Variants in ZNF33A observed in about 807,000 individuals in gnomAD.
ZNF33A encodes the protein brain my041 protein.
A neutral mutation model predicts 15.9 loss-of-function variants in ZNF33A; 9 were observed. The observed-to-expected ratio is 0.57, with a 90% CI of 0.34 to 0.99. The LOEUF (loss-of-function observed/expected upper bound fraction) is 0.99, where lower values mean the gene tolerates loss of function less well. Among genes scored for constraint, ZNF33A ranks in the 50% least tolerant of loss-of-function variants. The pLI, the probability that ZNF33A is intolerant of heterozygous loss-of-function variation, is 0.02. For missense variants in ZNF33A, 843 were observed against 941.6 expected, an observed-to-expected ratio of 0.90 and a Z score of 1.37; for synonymous variants, 294 against 324.2, an observed-to-expected ratio of 0.91 and a Z score of 1.00.
rs577098842 is a variant in ZNF33A, at chr10:38,029,943, C to T, written c.250+12557C>T. Among the ~76,000 whole-genome samples, 9 of 152,256 alleles carry T rather than the reference C, an allele frequency of 5.9e-5. No homozygotes were observed. The South Asian group carries it at 6.2e-4, about 11-fold the overall frequency. Reference sequence around the variant, plus strand: ...GAAAGAAAAATTTTTTGAAGAATTACAGAAACACCCACAATTTGTTGAAGA... The same window carrying T: ...GAAAGAAAAATTTTTTGAAGAATTATAGAAACACCCACAATTTGTTGAAGA... On this transcript the variant is annotated intron_variant, in intron 4 of 4. Coordinates refer to ENST00000432900, the MANE Select transcript of ZNF33A (RefSeq NM_006954.2).
intron 4 of ZNF33A, among the ~76,000 whole-genome samples, chr10:38,022,025 G>T (rs924693141): frequency 3.9e-5 from 6 of 152,160 alleles, no homozygotes. Context: ...ACTAAATGCT[G>T]ACAGTAGACA....
In ZNF33A at chr10:38,054,833, C is replaced by T; in HGVS notation, c.709C>T (p.Gln237Ter). The T allele has an allele frequency of 1.9e-6, 3 of 1,613,272 alleles. No homozygotes were observed. Among genetic ancestry groups the T allele is most frequent in the Non-Finnish European group, 2.5e-6 (3 of 1,179,852 alleles). ...TLLEKAVFNT[Q>*]KRENAEENNC... ...CCTTGAAAAGGCAGTATTCAATACA[C>T]AGAAGAGAGAGAACGCAGAAGAGAA... is the stretch of plus-strand genomic sequence containing the variant. The change falls in exon 5 of 5, where the codon CAG (glutamine) becomes TAG (stop). Residue 237 changes from glutamine (Q) to a stop codon, truncating the protein, a stop_gained. Transcript: ENST00000432900. LOFTEE classifies it low-confidence loss of function (END_TRUNC).
At chr10:38,047,624 C>CAAAAAAAAAAAAAAA (rs554054575) in intron 4 of ZNF33A, among the ~76,000 whole-genome samples, 20 of 75,006 alleles carry the variant, frequency 2.7e-4, no homozygotes, top group Admixed American at 8.9e-4. Flanking sequence ...GACTCTGTCT[C>CAAAAAAAAAAAAAAA]AAAAAAAAAA....
chr10:38,056,508 C>T lies in ZNF33A; in HGVS notation c.2384C>T (p.Ser795Leu). 1.2e-6 allele frequency: 2 copies of T among 1,608,520 alleles called. No individual in the cohort carries two copies. The highest frequency in any genetic ancestry group is 1.7e-6 in the Non-Finnish European group (2 of 1,177,408). The change falls in exon 5 of 5, where the codon TCA becomes TTA. Residue 795 changes from serine (S) to leucine (L), a missense_variant. Physicochemically the swap from Ser to Leu is moderately radical, Grantham distance 145 (BLOSUM62 -2). Transcript: ENST00000432900. Reference sequence around the variant, plus strand: ...CCACAAGTCAGCCTCCATAATGCCTCAGAGTATTCACACTGTGGAGAAAGC... The same window carrying T: ...CCACAAGTCAGCCTCCATAATGCCTTAGAGTATTCACACTGTGGAGAAAGC... ...FQPQVSLHNA[S>L]EYSHCGESPD...
In ZNF33A at chr10:38,056,330, C is replaced by A; in HGVS notation, c.2206C>A (p.Leu736Ile). Residue 736 changes from leucine to isoleucine, a missense_variant, in exon 5 of 5, where the codon CTT becomes ATT. Coordinates refer to ENST00000432900, the MANE Select transcript of ZNF33A (RefSeq NM_006954.2). ...AAAAATCTTTTACCGTAAATCGGAA[C>A]TTGCTCAACATCAGAGATCACATAC... ...CGKIFYRKSE[L>I]AQHQRSHTGE... The A allele has an allele frequency of 6.2e-7, 1 of 1,614,136 alleles. No homozygotes were observed. The highest frequency in any genetic ancestry group is 8.5e-7 in the Non-Finnish European group (1 of 1,179,992).
In ZNF33A at chr10:38,055,674, T is replaced by C. The variant is rs752577160; in HGVS notation, c.1550T>C (p.Ile517Thr). The C allele has an allele frequency of 2.5e-6, 4 of 1,613,636 alleles. No individual in the cohort carries two copies. Among genetic ancestry groups the C allele is most frequent in the Non-Finnish European group, 3.4e-6 (4 of 1,179,918 alleles). Reference sequence around the variant, plus strand: ...AAGTCATTACTCACCAGGCATCAGATAATTCATACAGGGTGGAAACCTTAT... The same window carrying C: ...AAGTCATTACTCACCAGGCATCAGACAATTCATACAGGGTGGAAACCTTAT... ...YHKSLLTRHQ[I>T]IHTGWKPYEC... Residue 517 changes from isoleucine to threonine, a missense_variant, in exon 5 of 5, where the codon ATA becomes ACA. Coordinates refer to ENST00000432900, the MANE Select transcript of ZNF33A (RefSeq NM_006954.2).
At chr10:38,010,848 AG>A (rs1344768217) in intron 1 of ZNF33A, 65 bp downstream of exon 1, 2 of 1,555,602 alleles carry the variant, frequency 1.3e-6, no homozygotes, top group African/African-American at 1.4e-5. Context: ...GGCGGGCGGC[AG>A]GGGGCCGGTA....
chr10:38,014,237 A>C (rs1178420100), intron 2 of ZNF33A, among the ~76,000 whole-genome samples: 1 of 151,574 alleles, frequency 6.6e-6, no homozygotes, highest in Non-Finnish European at 1.5e-5. Flanking sequence ...ACAGGGTTTT[A>C]CTTGGCCAGG....
At chr10:38,038,678 C>T (rs2474539) in intron 4 of ZNF33A, among the ~76,000 whole-genome samples, 18,793 of 152,212 alleles carry the variant, frequency 0.12, 1,383 homozygotes, top group East Asian at 0.29. Flanking sequence ...AGTAAAATCA[C>T]TGTACCTTTC....
At chr10:38,064,285 C>G (rs759627747), downstream of ZNF33A, 3 of 615,658 alleles carry the variant, frequency 4.9e-6, no homozygotes, top group Admixed American at 9.1e-5. Flanking sequence ...TGCAACAAAT[C>G]TGGAAACAGC....
chr10:38,050,886 C>T (rs188426853), intron 4 of ZNF33A, among the ~76,000 whole-genome samples: 9 of 152,320 alleles, frequency 5.9e-5, no homozygotes, highest in Non-Finnish European at 7.4e-5. Context: ...TGTTAAGGCA[C>T]ACTAGGCAGT....
At chr10:38,064,555 T>G (rs1400917704), downstream of ZNF33A, 1 of 156,312 alleles carries the variant, frequency 6.4e-6, no homozygotes, top group African/African-American at 2.4e-5. Context: ...ATACCAAGAA[T>G]CACTTCCTTC....
intron 3 of ZNF33A, 50 bp from the exon 4 acceptor site, chr10:38,017,241 C>T (rs1441178036): frequency 1.9e-6 from 3 of 1,555,476 alleles, no homozygotes; most frequent in East Asian, 2.2e-5. Context: ...CTTCAAAGGC[C>T]TGAAGTCTAG....
intron 4 of ZNF33A, among the ~76,000 whole-genome samples, chr10:38,037,777 G>A (rs779864089): frequency 2.0e-5 from 3 of 151,940 alleles, no homozygotes; most frequent in Non-Finnish European, 4.4e-5. Context: ...TTGTAATTTT[G>A]TAGCAAATTT....
chr10:38,019,905 A>G (rs2064659862), intron 4 of ZNF33A, among the ~76,000 whole-genome samples: 2 of 152,212 alleles, frequency 1.3e-5, no homozygotes, highest in Admixed American at 6.5e-5. Context: ...TAAGACAATT[A>G]TATTTTAAAA....
downstream of ZNF33A, among the ~76,000 whole-genome samples, chr10:38,066,706 G>A (rs2066712916): frequency 2.6e-5 from 4 of 152,192 alleles, no homozygotes; most frequent in South Asian, 8.3e-4. Flanking sequence ...AGGCCAAGGT[G>A]GGTGGATCAC....
At chr10:38,019,319 C>T (rs2064624048) in intron 4 of ZNF33A, among the ~76,000 whole-genome samples, 1 of 152,124 alleles carries the variant, frequency 6.6e-6, no homozygotes, top group Non-Finnish European at 1.5e-5. Context: ...ATGAACTCAT[C>T]ATTTTTTATG....
Position 38,025,387 on chromosome 10 carries a change from T to G in ZNF33A, c.250+8001T>G, listed in dbSNP as rs529415505. ...AGCCCTCACCCCAAGTGTGGTGGTG[T>G]TTGGAGATATGCAGCCCTTGGCAGG... On this transcript the variant is annotated intron_variant, in intron 4 of 4. Transcript: ENST00000432900. 7.2e-5 allele frequency among the ~76,000 whole-genome samples: 11 copies of G among 152,280 alleles called. No homozygotes were observed. The East Asian group carries it at 1.7e-3, about 24-fold the overall frequency.
At position 38,056,126 on chromosome 10, in the gene ZNF33A, A is replaced by C; in HGVS notation, c.2002A>C (p.Asn668His). 1 of 1,614,092 alleles carries C rather than the reference A, an allele frequency of 6.2e-7. No homozygotes were observed. The highest frequency in any genetic ancestry group is 8.5e-7 in the Non-Finnish European group (1 of 1,179,996). Reference protein sequence around the residue: ...THTQEKPYKCNECGKSFCVKS... With the variant: ...THTQEKPYKCHECGKSFCVKS... ...TACACAAGAAAAGCCCTATAAATGT[A>C]ATGAATGTGGAAAATCTTTCTGTGT... The change falls in exon 5 of 5, where the codon AAT becomes CAT. Residue 668 changes from asparagine (N) to histidine (H), a missense_variant. Transcript: ENST00000432900.
Sources: gnomAD v4.1 joint callset for allele counts (sites outside exome capture counted in the v4.1 genomes callset) on GRCh38, gnomAD v4.1.1 for gene constraint, MANE v1.5 for transcripts, NCBI Gene and HGNC (gene_info 2026-07-23, HGNC 2026-07-21) for gene names.